The following PALM3 variants were observed in gnomAD, a reference collection of about 807,000 sequenced individuals.
PALM3 encodes paralemmin 3, also known as paralemmin-3.
PALM3 carries 20 observed loss-of-function variants against 27.9 expected under a neutral mutation model. The ratio of observed to expected loss-of-function variants is 0.72; its 90% CI spans 0.50 to 1.04. PALM3 has a LOEUF of 1.04. PALM3 is among the 50% of genes least tolerant of loss of function. The pLI is 0.00. For synonymous variants in PALM3, 328 were observed against 352.7 expected (o/e 0.93, Z 0.79); for missense variants, 814 against 869.4 (o/e 0.94, Z 0.80).
rs1397391676 is a variant in PALM3, at chr19:14,054,933, C to G, written c.739G>C (p.Ala247Pro). The G allele has an allele frequency of 3.2e-6, 5 of 1,549,476 alleles. No individual in the cohort carries two copies. The highest frequency in any genetic ancestry group is 1.4e-5 in the African/African-American group (1 of 73,184). ...WEGLRATEDCATGATGPELEA... is the reference protein window; with the variant it reads ...WEGLRATEDCPTGATGPELEA... The stretch of plus-strand genomic sequence containing the variant: ...AGCTCGGGGCCCGTGGCCCCTGTGG[C>G]ACAGTCCTCTGTGGCCCTCAGCCCT... The change falls in exon 7 of 7, where the codon GCC (alanine) becomes CCC (proline). Residue 247 changes from alanine (A) to proline (P), a missense_variant. Transcript: ENST00000669674.
chr19:14,055,333 GGCTCTGGGGTGACCTGA>G (rs766830812), intron 6 of PALM3, 30 bp downstream of exon 6: 10 of 1,529,724 alleles, frequency 6.5e-6, no homozygotes, highest in Non-Finnish European at 7.0e-6. Flanking sequence ...CTCACACCCA[GGCTCTGGGGTGACCTGA>G]CCCCCAGACC....
Position 14,055,388 on chromosome 19 carries a change from C to A in PALM3, c.437G>T (p.Gly146Val). ...RPLSQSIVEAGSVGQTDLNKR... is the reference protein window; with the variant it reads ...RPLSQSIVEAVSVGQTDLNKR... ...GGGGCTCCCACACTTACCTACAGAA[C>A]CTGCCTCGACAATGGACTGGGAGAG... The change falls in exon 6 of 7, where the codon GGT becomes GTT. Residue 146 changes from glycine to valine, a missense_variant. Gly to Val is a moderately radical substitution (Grantham distance 109). Coordinates refer to ENST00000669674, the MANE Select transcript of PALM3 (RefSeq NM_001145028.2). 2 of 1,551,604 alleles carry A rather than the reference C, an allele frequency of 1.3e-6. No homozygotes were observed. The highest frequency in any genetic ancestry group is 1.7e-6 in the Non-Finnish European group (2 of 1,146,950).
intron 3 of PALM3, 87 bp downstream of exon 3, chr19:14,057,264 A>G: frequency 4.9e-6 from 2 of 406,674 alleles, no homozygotes; most frequent in Non-Finnish European, 7.5e-6. Context: ...AATTGGACAG[A>G]GGCTCCTATC....
At chr19:14,056,312 G>C in intron 5 of PALM3, 117 bp downstream of exon 5, 3 of 1,024,860 alleles carry the variant, frequency 2.9e-6, no homozygotes, top group Non-Finnish European at 4.4e-6. Flanking sequence ...AAGCGGATCT[G>C]AATGCAGACC....
At position 14,054,065 on chromosome 19, in the gene PALM3, C is replaced by T. The variant is rs1568506053; in HGVS notation, c.1607G>A (p.Gly536Glu). 16 of 1,551,808 alleles carry T rather than the reference C, an allele frequency of 1.0e-5. No homozygotes were observed. The highest frequency in any genetic ancestry group is 1.3e-5 in the Non-Finnish European group (15 of 1,146,988). Reference protein sequence around the residue: ...GEETLEAEKRGGEESLETEKT... With the variant: ...GEETLEAEKREGEESLETEKT... ...CTCTGTCTCCAATGATTCCTCACCT[C>T]CCCTTTTCTCTGCCTCCAGTGTCTC... Residue 536 changes from glycine to glutamate, a missense_variant, in exon 7 of 7, where the codon GGA (glycine) becomes GAA (glutamate). By Grantham distance (98) the Gly-to-Glu change is moderately conservative. Coordinates refer to ENST00000669674, the MANE Select transcript of PALM3 (RefSeq NM_001145028.2).
At position 14,057,378 on chromosome 19, in the gene PALM3, C is replaced by T. The variant is rs765972833; in HGVS notation, c.144G>A (p.Glu48=). The change falls in exon 3 of 7, where the codon GAG becomes GAA. Residue 48 remains glutamate (E), a synonymous_variant. Coordinates refer to ENST00000669674, the MANE Select transcript of PALM3 (RefSeq NM_001145028.2). ...TGAGACGCTCCACGCGGAGTTTCTC[C>T]TCCTCCACCTCCCGGCGCGCGGCGC... ...EIRAARREVE[E]EKLRVERLKR... is the part of the protein sequence containing the mutation. The T allele has an allele frequency of 1.6e-5, 25 of 1,545,496 alleles. No homozygotes were observed. The African/African-American group carries it at 2.6e-4, about 16-fold the overall frequency.
intron 1 of PALM3, among the ~76,000 whole-genome samples, chr19:14,060,102 C>G (rs1184297192): frequency 6.6e-6 from 1 of 151,968 alleles, no homozygotes; most frequent in Non-Finnish European, 1.5e-5. Flanking sequence ...GTGTCACAGG[C>G]CAGTATCTAG....
intron 3 of PALM3, 83 bp from the exon 4 acceptor site, chr19:14,056,887 G>A (rs1449479679): frequency 2.1e-6 from 3 of 1,395,816 alleles, no homozygotes; most frequent in Admixed American, 2.7e-5. Flanking sequence ...TGCAGGCTGG[G>A]CAGGTATCTT....
chr19:14,055,273 G>C (rs996285617), intron 6 of PALM3, 47 bp from the exon 7 acceptor site: 5 of 1,525,516 alleles, frequency 3.3e-6, no homozygotes, highest in Non-Finnish European at 3.5e-6. Flanking sequence ...GGAAGACAGG[G>C]TTAAGATGGA....
In PALM3 at chr19:14,057,332, GC is replaced by G. The variant is rs1415437919; in HGVS notation, c.171+18del. On this transcript the variant is annotated intron_variant, in intron 3 of 6. Transcript: ENST00000669674. ...ACTCCATTCCCCAGGCTAGGCAGGC[GC>G]CCCCGCCCGCCCCCAACCTTGAGAC... The G allele has an allele frequency of 6.6e-7, 1 of 1,523,526 alleles. No homozygotes were observed. Among genetic ancestry groups the G allele is most frequent in the Non-Finnish European group, 8.8e-7 (1 of 1,132,144 alleles). The allele number at this position is 1,523,526 out of a possible 1,614,324, so 94.4% of individuals were successfully genotyped here.
intron 3 of PALM3, 158 bp from the exon 4 acceptor site, chr19:14,056,962 A>G (rs999845718): frequency 5.3e-6 from 4 of 748,364 alleles, no homozygotes; most frequent in African/African-American, 3.6e-5. Context: ...GTGCCCCCCA[A>G]CGCTGCAAGT....
intron 6 of PALM3, 62 bp downstream of exon 6, chr19:14,055,318 A>G (rs914852971): frequency 1.4e-6 from 2 of 1,443,568 alleles, no homozygotes; most frequent in African/African-American, 6.2e-5. Context: ...CCCTTGAGTC[A>G]CCCTCTCACA....
intron 6 of PALM3, 21 bp downstream of exon 6, chr19:14,055,359 C>A: frequency 6.4e-7 from 1 of 1,551,296 alleles, no homozygotes; most frequent in Non-Finnish European, 8.7e-7. Context: ...GACCCCCAGA[C>A]CTAGGGGCTC....
chr19:14,062,071 T>A lies in PALM3; in HGVS notation c.-91A>T. ...CCCCGGAGGCTGTGACTTGGCTGCCTGGAGTGGGGGGGGGCTGCGGGCGGG... is the reference window on the plus strand; with the variant it reads ...CCCCGGAGGCTGTGACTTGGCTGCCAGGAGTGGGGGGGGGCTGCGGGCGGG... On this transcript the variant is annotated 5_prime_UTR_variant, in exon 1 of 7. Coordinates refer to ENST00000669674, the MANE Select transcript of PALM3 (RefSeq NM_001145028.2). The A allele has an allele frequency of 1.2e-6, 1 of 818,064 alleles. No individual in the cohort carries two copies. The highest frequency in any genetic ancestry group is 1.5e-6 in the Non-Finnish European group (1 of 676,566). The allele number at this position is 818,064 out of a possible 1,614,324, so 50.7% of individuals were successfully genotyped here. A position where few individuals can be genotyped will look rare whatever the true frequency, so the allele number is the denominator to read the frequency against.
chr19:14,055,273 G>GT, intron 6 of PALM3, 47 bp from the exon 7 acceptor site: 1 of 1,525,630 alleles, frequency 6.6e-7, no homozygotes, highest in Admixed American at 2.0e-5. Flanking sequence ...GGAAGACAGG[G>GT]TTAAGATGGA....
chr19:14,061,205 C>T (rs1315748921), intron 1 of PALM3, among the ~76,000 whole-genome samples: 1 of 152,124 alleles, frequency 6.6e-6, no homozygotes, highest in African/African-American at 2.4e-5. Context: ...TGGGGGGGAT[C>T]GGGTTCCCAT....
In PALM3 at chr19:14,053,515, G is replaced by A. The variant is rs1976220639; in HGVS notation, c.*90C>T. ...CCCAGGTGCCATGGCCAGTCCTGTG[G>A]TCCCTGTCTGTGCCTGGGACCCTCT... is the stretch of plus-strand genomic sequence containing the variant. On this transcript the variant is annotated 3_prime_UTR_variant, in exon 7 of 7. Transcript: ENST00000669674. 1.4e-6 allele frequency: 2 copies of A among 1,388,374 alleles called. No homozygotes were observed. Among genetic ancestry groups the A allele is most frequent in the Non-Finnish European group, 9.4e-7 (1 of 1,059,118 alleles). The allele number at this position is 1,388,374 out of a possible 1,614,324, so 86.0% of individuals were successfully genotyped here. A position where few individuals can be genotyped will look rare whatever the true frequency, so the allele number is the denominator to read the frequency against.
rs1042332457 is a variant in PALM3, at chr19:14,059,105, C to A, written c.90+10G>T. ...GGGGGTGCCCAGGGCGCGGGGAGGG[C>A]GTCACTTACAGCGATGACTTCTAGC... On this transcript the variant is annotated intron_variant, in intron 2 of 6. Transcript: ENST00000669674. 114 of 1,451,646 alleles carry A rather than the reference C, an allele frequency of 7.9e-5. No homozygotes were observed. Among genetic ancestry groups the A allele is most frequent in the Middle Eastern group, 3.6e-4 (2 of 5,494 alleles). 89.9% of individuals were successfully genotyped at this position (1,451,646 alleles called of 1,614,324 possible).
intron 1 of PALM3, among the ~76,000 whole-genome samples, chr19:14,060,434 C>T (rs1976395227): frequency 6.6e-6 from 1 of 151,978 alleles, no homozygotes; most frequent in African/African-American, 2.4e-5. Context: ...GCTGAGTTGA[C>T]ATTCCAGCTA....
Sources: allele counts gnomAD v4.1 joint callset (sites outside exome capture counted in the v4.1 genomes callset), GRCh38; gene constraint gnomAD v4.1.1; transcripts MANE v1.5; gene names NCBI Gene and HGNC (gene_info 2026-07-23, HGNC 2026-07-21).